FA2H: variants seen among roughly 807,000 people sequenced by gnomAD.
The protein encoded by FA2H is fatty acid 2-hydroxylase.
FA2H carries 22 observed loss-of-function variants against 44.9 expected under a neutral mutation model. The observed-to-expected ratio is 0.49, with a 90% CI of 0.35 to 0.70. The LOEUF is 0.70. FA2H is among the 30% of genes least tolerant of loss of function. The pLI is 0.01. For synonymous variants in FA2H, 243 were observed against 213.2 expected (o/e 1.14, Z -1.22); for missense variants, 501 against 504.9 (o/e 0.99, Z 0.07).
intron 4 of FA2H, among the ~76,000 whole-genome samples, chr16:74,719,534 G>T (rs924419915): frequency 1.3e-5 from 2 of 152,006 alleles, no homozygotes; most frequent in Non-Finnish European, 2.9e-5. Context: ...ATTATCTTGA[G>T]ACAAGGTATC....
intron 1 of FA2H, among the ~76,000 whole-genome samples, chr16:74,755,160 T>TC (rs1437168573): frequency 2.5e-3 from 29 of 11,546 alleles, no homozygotes; most frequent in African/African-American, 9.6e-3. Flanking sequence ...TACATTTGTG[T>TC]TTTTTTTTTT....
chr16:74,740,523 G>A (rs1405843382), intron 1 of FA2H, among the ~76,000 whole-genome samples: 2 of 151,402 alleles, frequency 1.3e-5, no homozygotes, highest in Non-Finnish European at 2.9e-5. Context: ...AGGAGGCTGA[G>A]GCAGAAGAAT....
chr16:74,746,503 C>A (rs998586845), intron 1 of FA2H, among the ~76,000 whole-genome samples: 4 of 152,012 alleles, frequency 2.6e-5, no homozygotes, highest in Non-Finnish European at 4.4e-5. Context: ...GGATTACAGG[C>A]ATAAGCCACT....
rs1405537215 is a variant in FA2H, at chr16:74,728,784, T to C, written c.364-1398A>G. ...TTGTAATATATTTATCTCTTTCTTT[T>C]TTTTTTTTTTTTTTTTTGAGACAGA... is the stretch of plus-strand genomic sequence containing the variant. On this transcript the variant is annotated intron_variant, in intron 2 of 6. Transcript: ENST00000219368. 2.1e-4 allele frequency among the ~76,000 whole-genome samples: 29 copies of C among 139,172 alleles called. No individual in the cohort carries two copies. The South Asian group carries it at 4.4e-3, about 21-fold the overall frequency. The allele number at this position is 139,172 out of a possible 152,430, so 91.3% of individuals were successfully genotyped here. A position where few individuals can be genotyped will look rare whatever the true frequency, so the allele number is the denominator to read the frequency against.
At chr16:74,770,188 G>A (rs1597575189) in intron 1 of FA2H, among the ~76,000 whole-genome samples, 1 of 152,222 alleles carries the variant, frequency 6.6e-6, no homozygotes, top group East Asian at 1.9e-4. Context: ...CAGAGACAGG[G>A]GGCTCTAACC....
intron 1 of FA2H, among the ~76,000 whole-genome samples, chr16:74,765,267 C>T (rs1234008868): frequency 6.6e-6 from 1 of 152,062 alleles, no homozygotes; most frequent in East Asian, 1.9e-4. Flanking sequence ...AGCGACTCTC[C>T]TGCCTCAGCC....
In FA2H at chr16:74,727,326, C is replaced by T. The variant is rs769477853; in HGVS notation, c.424G>A (p.Asp142Asn). The change falls in exon 3 of 7, where the codon GAT becomes AAT. Residue 142 changes from aspartate (D) to asparagine (N), a missense_variant. Physicochemically the swap from Asp to Asn is conservative, Grantham distance 23. Transcript: ENST00000219368. ...WQVGHLGEKY[D>N]EWVHQPVTRP... ...GTCACCGGCTGGTGAACCCACTCAT[C>T]GTACTTCTCTCCCAAGTGGCCCACC... The T allele has an allele frequency of 2.6e-5, 42 of 1,614,032 alleles. No individual in the cohort carries two copies. The highest frequency in any genetic ancestry group is 3.2e-5 in the Non-Finnish European group (38 of 1,180,026).
At chr16:74,714,712 C>T (rs1408180071) in intron 6 of FA2H, among the ~76,000 whole-genome samples, 1 of 152,172 alleles carries the variant, frequency 6.6e-6, no homozygotes, top group East Asian at 1.9e-4. Context: ...CCCTTAGCCA[C>T]ACATGGCTAC....
intron 1 of FA2H, among the ~76,000 whole-genome samples, chr16:74,744,800 G>T (rs1962384732): frequency 6.6e-6 from 1 of 152,028 alleles, no homozygotes; most frequent in African/African-American, 2.4e-5. Context: ...TGCCCAGGCT[G>T]GTCTCAAACT....
rs1314595232 is a variant in FA2H at position 74,718,934 on chromosome 16, G to A, written c.786+54C>T. 1.7e-5 allele frequency: 27 copies of A among 1,598,478 alleles called. No individual in the cohort carries two copies. The East Asian group carries it at 1.8e-4, about 11-fold the overall frequency. ...GCACCTGAAGCTGCGGCTGGCTGCC[G>A]GGCCCTCTCGGGCTGCACATGCTAG... is the stretch of plus-strand genomic sequence containing the variant. On this transcript the variant is annotated intron_variant, in intron 5 of 6. Coordinates refer to ENST00000219368, the MANE Select transcript of FA2H (RefSeq NM_024306.5).
intron 5 of FA2H, among the ~76,000 whole-genome samples, chr16:74,718,714 C>T (rs1469812927): frequency 1.3e-5 from 2 of 152,182 alleles, no homozygotes; most frequent in African/African-American, 2.4e-5. Context: ...AATGAATGAA[C>T]GAATGAATGA....
chr16:74,772,701 C>G (rs1215821171), intron 1 of FA2H, among the ~76,000 whole-genome samples: 2 of 152,172 alleles, frequency 1.3e-5, no homozygotes, highest in Non-Finnish European at 2.9e-5. Context: ...CAGGAGTCCC[C>G]CTTATCCACG....
chr16:74,727,431 C>G, intron 2 of FA2H, 45 bp from the exon 3 acceptor site: 1 of 1,601,502 alleles, frequency 6.2e-7, no homozygotes, highest in Non-Finnish European at 8.6e-7. Context: ...TCACGTCTTC[C>G]CATATTCGTT....
chr16:74,733,530 AC>A (rs1449236921), intron 2 of FA2H, among the ~76,000 whole-genome samples: 1 of 152,166 alleles, frequency 6.6e-6, no homozygotes, highest in African/African-American at 2.4e-5. Context: ...TTTAGGTGGT[AC>A]ATGCACTGAT....
At chr16:74,728,207 T>C (rs1425730211) in intron 2 of FA2H, among the ~76,000 whole-genome samples, 2 of 152,208 alleles carry the variant, frequency 1.3e-5, no homozygotes, top group Non-Finnish European at 2.9e-5. Context: ...GATAACTGCT[T>C]GAGGCCAGTA....
intron 2 of FA2H, among the ~76,000 whole-genome samples, chr16:74,732,103 C>T (rs1008833088): frequency 2.6e-5 from 4 of 151,740 alleles, no homozygotes; most frequent in African/African-American, 7.2e-5. Flanking sequence ...AGGCTGGTCT[C>T]GAGCTCCTGG....
intron 2 of FA2H, among the ~76,000 whole-genome samples, chr16:74,734,060 G>A (rs138122952): frequency 2.0e-3 from 307 of 152,294 alleles, no homozygotes; most frequent in African/African-American, 7.0e-3. Flanking sequence ...ACATTAGTGG[G>A]TCTCTTCCTT....
At position 74,774,623 on chromosome 16, in the gene FA2H, C is replaced by T. The variant is rs1247665387; in HGVS notation, c.133G>A (p.Gly45Arg). Residue 45 changes from glycine (G) to arginine (R), a missense_variant, in exon 1 of 7, where the codon GGG becomes AGG. Transcript: ENST00000219368. ...DLSSFVRHHP[G>R]GEQLLRARAG... ...CTGGCCCGCAGCAGCTGCTCGCCCC[C>T]CGGGTGGTGCCGCACGAAGCTGGAG... 4 of 1,515,752 alleles carry T rather than the reference C, an allele frequency of 2.6e-6. No individual in the cohort carries two copies. Among genetic ancestry groups the T allele is most frequent in the Non-Finnish European group, 3.5e-6 (4 of 1,140,212 alleles). The allele number at this position is 1,515,752 out of a possible 1,614,324, so 93.9% of individuals were successfully genotyped here.
At chr16:74,744,436 A>C (rs1447207829) in intron 1 of FA2H, among the ~76,000 whole-genome samples, 1 of 146,370 alleles carries the variant, frequency 6.8e-6, no homozygotes, top group South Asian at 2.1e-4. Flanking sequence ...TTTGGAAATT[A>C]TTCCAGATGA....
Sources: allele counts gnomAD v4.1 joint callset (sites outside exome capture counted in the v4.1 genomes callset), GRCh38; gene constraint gnomAD v4.1.1; transcripts MANE v1.5; gene names NCBI Gene and HGNC (gene_info 2026-07-23, HGNC 2026-07-21).